The following DUS4L variants were observed in gnomAD, a reference collection of about 807,000 sequenced individuals.
The protein encoded by DUS4L is dihydrouridine synthase 4 like.
In DUS4L, 31 loss-of-function variants were observed where a neutral mutation model predicts 33.8. The observed-to-expected ratio is 0.92, with a 90% CI of 0.69 to 1.24. The LOEUF (loss-of-function observed/expected upper bound fraction) is 1.24. DUS4L is among the 50% of genes most tolerant of loss of function. DUS4L has a pLI of 0.00. For missense variants in DUS4L, 368 were observed against 388.6 expected (o/e 0.95, Z 0.45); for synonymous variants, 103 against 120.3 (o/e 0.86, Z 0.94).
chr7:107,564,823 G>A (rs1804452159), intron 2 of DUS4L, 147 bp downstream of exon 2: 1 of 152,316 alleles, frequency 6.6e-6, no homozygotes, highest in African/African-American at 2.4e-5. Flanking sequence ...AAAGAAGCTG[G>A]AAGATGACTT....
intron 6 of DUS4L, among the ~76,000 whole-genome samples, chr7:107,575,958 G>A (rs1805693569): frequency 6.6e-6 from 1 of 152,320 alleles, no homozygotes; most frequent in East Asian, 1.9e-4. Flanking sequence ...CTCTCAATGT[G>A]CTGGGATTAC....
intron 5 of DUS4L, 185 bp from the exon 6 acceptor site, chr7:107,575,003 C>A: frequency 1.4e-6 from 1 of 725,302 alleles, no homozygotes; most frequent in Non-Finnish European, 2.2e-6. Flanking sequence ...ACTTTTTGAT[C>A]TGGGAACATG....
Position 107,573,779 on chromosome 7 carries a change from C to T in DUS4L, c.314C>T (p.Pro105Leu), listed in dbSNP as rs748178929. 3 of 1,604,408 alleles carry T rather than the reference C, an allele frequency of 1.9e-6. No homozygotes were observed. The highest frequency in any genetic ancestry group is 1.3e-5 in the African/African-American group (1 of 74,546). ...LLSDAARIVCPYANGIDINCG... is the reference protein window; with the variant it reads ...LLSDAARIVCLYANGIDINCG... ...TCTGATGCTGCTCGTATAGTCTGTC[C>T]TTATGCGAATGGAATAGACATTAAC... Residue 105 changes from proline (P) to leucine (L), a missense_variant, in exon 5 of 8, where the codon CCT (proline) becomes CTT (leucine). Pro to Leu is a moderately conservative substitution (Grantham distance 98). Coordinates refer to ENST00000265720, the MANE Select transcript of DUS4L (RefSeq NM_181581.3).
Position 107,567,198 on chromosome 7 carries a change from A to C in DUS4L, c.116+12A>C, listed in dbSNP as rs1804790125. 6.2e-7 allele frequency: 1 copy of C among 1,605,918 alleles called. No individual in the cohort carries two copies. The highest frequency in any genetic ancestry group is 2.2e-5 in the East Asian group (1 of 44,764). On this transcript the variant is annotated intron_variant, in intron 3 of 7. Coordinates refer to ENST00000265720, the MANE Select transcript of DUS4L (RefSeq NM_181581.3). ...GTTCGATATTCAAAGTAAGTGTTGC[A>C]AAATGATTAATGAACTAAGATGAAA... is the stretch of plus-strand genomic sequence containing the variant.
At chr7:107,574,984 C>T in intron 5 of DUS4L, 2 of 630,584 alleles carry the variant, frequency 3.2e-6, no homozygotes, top group Non-Finnish European at 5.3e-6. Flanking sequence ...AAAACCATTT[C>T]TCCTGAGTAC....
In DUS4L at chr7:107,564,098, C is replaced by G; in HGVS notation, c.-222C>G. 2 of 1,248,184 alleles carry G rather than the reference C, an allele frequency of 1.6e-6. No individual in the cohort carries two copies. Among genetic ancestry groups the G allele is most frequent in the Non-Finnish European group, 2.2e-6 (2 of 892,404 alleles). The allele number at this position is 1,248,184 out of a possible 1,614,324, so 77.3% of individuals were successfully genotyped here. ...GGGCGCCCAGGGTCCGAGTGCTCTGCGCCCAGCGCACCGAGGGAGCCAAGG... is the reference window on the plus strand; with the variant it reads ...GGGCGCCCAGGGTCCGAGTGCTCTGGGCCCAGCGCACCGAGGGAGCCAAGG... On this transcript the variant is annotated 5_prime_UTR_variant, in exon 1 of 8. Coordinates refer to ENST00000265720, the MANE Select transcript of DUS4L (RefSeq NM_181581.3).
In DUS4L at chr7:107,577,445, A is replaced by C; in HGVS notation, c.839A>C (p.Gln280Pro). 1.2e-6 allele frequency: 2 copies of C among 1,614,210 alleles called. No individual in the cohort carries two copies. The highest frequency in any genetic ancestry group is 1.7e-6 in the Non-Finnish European group (2 of 1,180,040). ...ELGTPYMCFH[Q>P]HLMYMMEKIT... is the part of the protein sequence containing the mutation. ...GGGACTCCTTACATGTGTTTCCATC[A>C]ACATTTAATGTACATGATGGAAAAG... Residue 280 changes from glutamine to proline, a missense_variant, in exon 8 of 8, where the codon CAA (glutamine) becomes CCA (proline). Physicochemically the swap from Gln to Pro is moderately conservative, Grantham distance 76. Transcript: ENST00000265720.
In DUS4L at chr7:107,563,971, G is replaced by GGGCCCCCCCCC; in HGVS notation, c.-349_-348insGGCCCCCCCCC. On this transcript the variant is annotated 5_prime_UTR_variant, in exon 1 of 8. Coordinates refer to ENST00000265720, the MANE Select transcript of DUS4L (RefSeq NM_181581.3). ...GGTGGTGACGCAGAATCCCGGCGCC[G>GGGCCCCCCCCC]CCCGCCCACCCAGCCCATGGCTCCA... The GGGCCCCCCCCC allele has an allele frequency of 1.9e-6, 3 of 1,557,548 alleles. No homozygotes were observed. Among genetic ancestry groups the GGGCCCCCCCCC allele is most frequent in the Non-Finnish European group, 2.6e-6 (3 of 1,144,736 alleles).
chr7:107,577,114 G>T, intron 7 of DUS4L, 199 bp from the exon 8 acceptor site: 1 of 636,114 alleles, frequency 1.6e-6, no homozygotes, highest in South Asian at 3.0e-5. Context: ...ATTTCTGTAC[G>T]TACATTTAAA....
At chr7:107,568,959 C>T (rs1352341434) in intron 3 of DUS4L, among the ~76,000 whole-genome samples, 4 of 152,268 alleles carry the variant, frequency 2.6e-5, no homozygotes, top group Middle Eastern at 3.2e-3. Flanking sequence ...AATCCCAGCA[C>T]TTTGGGAGGC....
intron 4 of DUS4L, among the ~76,000 whole-genome samples, chr7:107,572,615 C>T (rs1805353363): frequency 6.6e-6 from 1 of 151,704 alleles, no homozygotes; most frequent in Non-Finnish European, 1.5e-5. Context: ...TTTGGGAGGC[C>T]AAGGTGGGTG....
At chr7:107,576,675 G>C (rs774074363) in intron 7 of DUS4L, 83 bp downstream of exon 7, 1 of 1,317,284 alleles carries the variant, frequency 7.6e-7, no homozygotes, top group Non-Finnish European at 1.0e-6. Flanking sequence ...ATTTTCATTT[G>C]TTTTGTTTAA....
chr7:107,565,546 T>TG (rs1804574306), intron 2 of DUS4L, among the ~76,000 whole-genome samples: 1 of 152,128 alleles, frequency 6.6e-6, no homozygotes, highest in Admixed American at 6.5e-5. Context: ...TTTGTTGAGT[T>TG]GGGGTCTAGC....
At chr7:107,571,085 T>G in intron 3 of DUS4L, 60 bp from the exon 4 acceptor site, 2 of 1,602,788 alleles carry the variant, frequency 1.2e-6, no homozygotes, top group Non-Finnish European at 1.7e-6. Flanking sequence ...TATTTAACAA[T>G]GCACTAAAAT....
chr7:107,564,800 A>G (rs1345333474), intron 2 of DUS4L, 124 bp downstream of exon 2: 1 of 152,238 alleles, frequency 6.6e-6, no homozygotes, highest in Non-Finnish European at 1.5e-5. Flanking sequence ...GACAGTCTTA[A>G]GCTTCTTCGC....
intron 5 of DUS4L, among the ~76,000 whole-genome samples, chr7:107,574,465 A>C (rs1003550487): frequency 6.7e-6 from 1 of 150,074 alleles, no homozygotes; most frequent in African/African-American, 2.5e-5. Flanking sequence ...CAGCCTCCTG[A>C]GTAGCTGGGA....
intron 5 of DUS4L, chr7:107,574,816 A>C (rs183470147): frequency 1.8e-4 from 53 of 294,442 alleles, no homozygotes; most frequent in African/African-American, 1.2e-3. Context: ...CTGTAAGCCA[A>C]AAATATCTTT....
At position 107,571,134 on chromosome 7, in the gene DUS4L, T is replaced by C; in HGVS notation, c.117-11T>C. 2 of 1,613,474 alleles carry C rather than the reference T, an allele frequency of 1.2e-6. No individual in the cohort carries two copies. The highest frequency in any genetic ancestry group is 2.7e-5 in the African/African-American group (2 of 75,040). ...TTCTAAATGCATAATTAAGGTTTTA[T>C]ATGCTCACAGGTTGGCTTTTAGGAC... On this transcript the variant is annotated splice_polypyrimidine_tract_variant and intron_variant, in intron 3 of 7. Coordinates refer to ENST00000265720, the MANE Select transcript of DUS4L (RefSeq NM_181581.3).
intron 7 of DUS4L, 173 bp from the exon 8 acceptor site, chr7:107,577,140 A>G: frequency 2.2e-6 from 2 of 900,072 alleles, no homozygotes; most frequent in Non-Finnish European, 3.2e-6. Flanking sequence ...CTGGTTTACA[A>G]AAGGTACCAA....
Sources: gnomAD v4.1 joint callset for allele counts (sites outside exome capture counted in the v4.1 genomes callset) on GRCh38, gnomAD v4.1.1 for gene constraint, MANE v1.5 for transcripts, NCBI Gene and HGNC (gene_info 2026-07-23, HGNC 2026-07-21) for gene names.